The following DNAH9 variants were observed in gnomAD, a reference collection of about 807,000 sequenced individuals.
DNAH9 encodes the protein dynein axonemal heavy chain 9.
In DNAH9, 345 loss-of-function variants were observed where a neutral mutation model predicts 471.6. The observed-to-expected ratio is 0.73, with a 90% CI of 0.67 to 0.80. The LOEUF is 0.80. Ranked by LOEUF, DNAH9 falls within the 30% of genes least tolerant of loss-of-function variation. The pLI is 0.00. For missense variants in DNAH9, 5,407 were observed against 5,609.2 expected, an observed-to-expected ratio of 0.96 and a Z score of 1.15; for synonymous variants, 2,093 against 2,123.6, an observed-to-expected ratio of 0.99 and a Z score of 0.40.
At position 11,870,136 on chromosome 17, in the gene DNAH9, C is replaced by T. The variant is rs549890834; in HGVS notation, c.10053+883C>T. On this transcript the variant is annotated intron_variant, in intron 51 of 68. Transcript: ENST00000262442. Reference sequence around the variant, plus strand: ...TCCCAAGAGGCAGGAAGTGGAAAGTCCCAGTATCTGAAGGCCTGGGACTGA... The same window carrying T: ...TCCCAAGAGGCAGGAAGTGGAAAGTTCCAGTATCTGAAGGCCTGGGACTGA... 2.2e-4 allele frequency among the ~76,000 whole-genome samples: 34 copies of T among 152,314 alleles called. No homozygotes were observed. The South Asian group carries it at 6.6e-3, about 30-fold the overall frequency.
chr17:11,615,538 C>T (rs7503774), intron 4 of DNAH9, among the ~76,000 whole-genome samples: 150,756 of 151,928 alleles, frequency 0.99, 74,805 homozygotes, highest in East Asian at 1. Context: ...TGAGCCAAGA[C>T]TGCACCACTG....
At chr17:11,850,753 C>T (rs997040525) in intron 49 of DNAH9, among the ~76,000 whole-genome samples, 6 of 152,020 alleles carry the variant, frequency 3.9e-5, no homozygotes, top group Admixed American at 2.0e-4. Flanking sequence ...CCATGCTTAA[C>T]CAAACAAGAT....
intron 33 of DNAH9, 36 bp from the exon 34 acceptor site, chr17:11,756,532 C>G (rs764435142): frequency 3.1e-5 from 39 of 1,263,894 alleles, no homozygotes; most frequent in Non-Finnish European, 4.3e-5. Context: ...CACCTCCCTC[C>G]TTCCTCACTG....
At chr17:11,924,481 T>A (rs555681564) in intron 62 of DNAH9, among the ~76,000 whole-genome samples, 1 of 152,214 alleles carries the variant, frequency 6.6e-6, no homozygotes, top group East Asian at 1.9e-4. Flanking sequence ...AGGCTACCTC[T>A]CTTCTATCAG....
At chr17:11,718,953 A>G (rs12944615) in intron 26 of DNAH9, among the ~76,000 whole-genome samples, 129,119 of 152,058 alleles carry the variant, frequency 0.85, 57,625 homozygotes, top group Non-Finnish European at 0.98. Context: ...AGGTCGACTT[A>G]AAGAGTTGGG....
intron 36 of DNAH9, among the ~76,000 whole-genome samples, chr17:11,766,541 A>T (rs974535383): frequency 6.6e-6 from 1 of 152,220 alleles, no homozygotes; most frequent in Admixed American, 6.5e-5. Context: ...GCTCTACCAC[A>T]GTATGCCAGT....
At chr17:11,603,190 G>C (rs113964200) in intron 1 of DNAH9, among the ~76,000 whole-genome samples, 2 of 152,106 alleles carry the variant, frequency 1.3e-5, no homozygotes, top group Non-Finnish European at 2.9e-5. Context: ...ACGACCTCTC[G>C]AACTGCTAAG....
rs765142155 is a variant in DNAH9, at chr17:11,680,767, T to C, written c.3621T>C (p.Thr1207=). The C allele has an allele frequency of 4.3e-6, 7 of 1,614,050 alleles. No individual in the cohort carries two copies. The South Asian group carries it at 6.6e-5, about 15-fold the overall frequency. The change falls in exon 19 of 69, where the codon ACT becomes ACC. Residue 1207 remains threonine (T), a synonymous_variant. Transcript: ENST00000262442. ...ACAACATAAAAAAGGTGGCCATTACTGTGAAGCAGCAGGTGGCCCCACTGC... is the reference window on the plus strand; with the variant it reads ...ACAACATAAAAAAGGTGGCCATTACCGTGAAGCAGCAGGTGGCCCCACTGC... The part of the protein sequence containing the change: ...KWNNIKKVAI[T]VKQQVAPLQA...
chr17:11,647,327 C>T, intron 12 of DNAH9, 129 bp downstream of exon 12: 1 of 889,434 alleles, frequency 1.1e-6, no homozygotes, highest in East Asian at 2.6e-5. Flanking sequence ...GGCTGGAGTG[C>T]AGTGGCGCGA....
chr17:11,789,876 T>A (rs769069259), intron 41 of DNAH9, among the ~76,000 whole-genome samples: 10 of 152,038 alleles, frequency 6.6e-5, no homozygotes, highest in Non-Finnish European at 1.0e-4. Flanking sequence ...TGCAAGCTTT[T>A]ATATGCTGTA....
rs141291049 is a variant in DNAH9 at position 11,954,969 on chromosome 17, T to C, written c.12844-6898T>C. Among the ~76,000 whole-genome samples, 606 of 152,322 alleles carry C rather than the reference T, an allele frequency of 4.0e-3. 6 individuals are homozygous for C. Among genetic ancestry groups the C allele is most frequent in the Non-Finnish European group, 4.7e-3 (323 of 68,034 alleles). On this transcript the variant is annotated intron_variant, in intron 67 of 68. Transcript: ENST00000262442. ...TAAAACAAAAATAATAAAAATTTAC[T>C]GTGGGCTTTAAGCATATGTAAAACC...
chr17:11,676,658 T>C (rs563432836), intron 17 of DNAH9, among the ~76,000 whole-genome samples: 5 of 152,276 alleles, frequency 3.3e-5, no homozygotes, highest in South Asian at 2.1e-4. Context: ...AATAAACTCA[T>C]TGATCTTATT....
chr17:11,810,464 G>C (rs1049131045), intron 45 of DNAH9, 95 bp downstream of exon 45: 1 of 1,483,614 alleles, frequency 6.7e-7, no homozygotes, highest in Non-Finnish European at 9.0e-7. Context: ...GGAAGAGTAA[G>C]GTCATAGTAA....
intron 14 of DNAH9, among the ~76,000 whole-genome samples, chr17:11,655,873 G>GAT (rs149224780): frequency 0.049 from 7,280 of 147,824 alleles, 562 homozygotes; most frequent in African/African-American, 0.17. Flanking sequence ...GAAAGGGTGG[G>GAT]ATATATATAT....
At position 11,871,828 on chromosome 17, in the gene DNAH9, G is replaced by A. The variant is rs766691251; in HGVS notation, c.10242+42G>A. The A allele has an allele frequency of 4.4e-6, 7 of 1,595,974 alleles. No individual in the cohort carries two copies. The Admixed American group carries it at 1.2e-4, about 27-fold the overall frequency. On this transcript the variant is annotated intron_variant, in intron 52 of 68. Transcript: ENST00000262442. ...TTTCTCCCGACCACATCAGCCTCTG[G>A]GCACCAATGGGAAGACATCACGGTC...
intron 55 of DNAH9, chr17:11,883,050 G>A (rs1470728330): frequency 2.0e-6 from 2 of 986,920 alleles, no homozygotes; most frequent in Non-Finnish European, 2.4e-6. Context: ...CATAAAGAGA[G>A]GAAGAGATGA....
chr17:11,620,873 A>C lies in DNAH9; in HGVS notation c.1350+1092A>C, dbSNP rs146738815. ...TGCAAAAGAAACATGACTTTTGCTC[A>C]AAGTTATGTCTTTCCCTCAATTATT... On this transcript the variant is annotated intron_variant, in intron 6 of 68. Transcript: ENST00000262442. Among the ~76,000 whole-genome samples, 173 of 152,334 alleles carry C rather than the reference A, an allele frequency of 1.1e-3. 1 individual carries two copies. In the East Asian group the frequency reaches 0.025, roughly 22 times the overall value.
chr17:11,640,152 G>A, intron 9 of DNAH9, 118 bp from the exon 10 acceptor site: 1 of 652,498 alleles, frequency 1.5e-6, no homozygotes, highest in Non-Finnish European at 2.7e-6. Context: ...GTGCTCCCAG[G>A]TGACTTTAGT....
At chr17:11,959,264 TGGTAA>T (rs1237770484) in intron 67 of DNAH9, among the ~76,000 whole-genome samples, 13 of 152,132 alleles carry the variant, frequency 8.5e-5, no homozygotes. Flanking sequence ...CTTCATAACG[TGGTAA>T]GGGAAGACAT....
Sources: allele counts gnomAD v4.1 joint callset (sites outside exome capture counted in the v4.1 genomes callset), GRCh38; gene constraint gnomAD v4.1.1; transcripts MANE v1.5; gene names NCBI Gene and HGNC (gene_info 2026-07-23, HGNC 2026-07-21).